Variants in SLC8A1 observed in about 807,000 individuals in gnomAD.
SLC8A1 encodes solute carrier family 8 member A1.
Under a neutral mutation model 68.3 loss-of-function variants are expected in SLC8A1, and 18 were observed. That is an observed-to-expected ratio of 0.26 (90% confidence interval 0.18 to 0.39). The LOEUF is 0.39. SLC8A1 is among the 10% of genes least tolerant of loss of function. The pLI, the probability that SLC8A1 is intolerant of heterozygous loss-of-function variation, is 1.00. For synonymous variants in SLC8A1, 475 were observed against 415.5 expected, an observed-to-expected ratio of 1.14 and a Z score of -1.74; for missense variants, 985 against 1,156.7, an observed-to-expected ratio of 0.85 and a Z score of 2.15.
At chr2:40,386,007 A>T (rs1242515586) in intron 2 of SLC8A1, among the ~76,000 whole-genome samples, 1 of 151,274 alleles carries the variant, frequency 6.6e-6, no homozygotes, top group Non-Finnish European at 1.5e-5. Context: ...ATAAATTTTT[A>T]AATTCTCCGA....
intron 2 of SLC8A1, among the ~76,000 whole-genome samples, chr2:40,234,102 G>C (rs1239998104): frequency 6.6e-6 from 1 of 152,142 alleles, no homozygotes; most frequent in Non-Finnish European, 1.5e-5. Flanking sequence ...GGTTCCATAT[G>C]AACTTTAAAG....
intron 1 of SLC8A1, among the ~76,000 whole-genome samples, chr2:40,487,750 C>T (rs780054522): frequency 2.6e-5 from 4 of 152,112 alleles, no homozygotes; most frequent in East Asian, 1.9e-4. Flanking sequence ...AAGCCCATTG[C>T]GGAACCTGCT....
chr2:40,182,367 A>G (rs2049759510), intron 2 of SLC8A1, among the ~76,000 whole-genome samples: 1 of 152,218 alleles, frequency 6.6e-6, no homozygotes, highest in Non-Finnish European at 1.5e-5. Context: ...TGAGCAGTAT[A>G]CTATAAAAAC....
intron 2 of SLC8A1, among the ~76,000 whole-genome samples, chr2:40,219,170 T>C (rs1265257376): frequency 1.3e-5 from 2 of 152,006 alleles, no homozygotes; most frequent in Non-Finnish European, 2.9e-5. Flanking sequence ...TGGAGCGGAG[T>C]TGGGTCATGG....
At chr2:40,241,821 C>T (rs1439708150) in intron 2 of SLC8A1, among the ~76,000 whole-genome samples, 1 of 152,062 alleles carries the variant, frequency 6.6e-6, no homozygotes. Context: ...ATAAGCATTG[C>T]CTATTTGTTC....
chr2:40,329,635 T>C (rs2076212298), intron 2 of SLC8A1, among the ~76,000 whole-genome samples: 1 of 152,218 alleles, frequency 6.6e-6, no homozygotes, highest in African/African-American at 2.4e-5. Flanking sequence ...GGCCAAGAAT[T>C]CTCATCACTT....
chr2:40,344,123 G>A (rs771779645), intron 2 of SLC8A1, among the ~76,000 whole-genome samples: 1 of 152,060 alleles, frequency 6.6e-6, no homozygotes, highest in Non-Finnish European at 1.5e-5. Flanking sequence ...CCATAGAGAA[G>A]TCATTTTTTA....
upstream of SLC8A1, among the ~76,000 whole-genome samples, chr2:40,455,126 A>T (rs1199919293): frequency 6.6e-6 from 1 of 152,188 alleles, no homozygotes; most frequent in Non-Finnish European, 1.5e-5. Flanking sequence ...TATTCGAAAG[A>T]TGTTCTGATG....
upstream of SLC8A1, among the ~76,000 whole-genome samples, chr2:40,454,064 A>AG (rs754467688): frequency 5.9e-5 from 9 of 152,234 alleles, no homozygotes; most frequent in Non-Finnish European, 1.3e-4. Flanking sequence ...GGGGAGAGAC[A>AG]GAAGGTCACT....
At chr2:40,497,268 G>A (rs186140275) in intron 1 of SLC8A1, among the ~76,000 whole-genome samples, 2 of 152,166 alleles carry the variant, frequency 1.3e-5, no homozygotes, top group African/African-American at 4.8e-5. Flanking sequence ...CATCCAATGA[G>A]ATTATTTTGA....
At chr2:40,430,535 T>G (rs764898470) in intron 1 of SLC8A1, among the ~76,000 whole-genome samples, 2 of 152,194 alleles carry the variant, frequency 1.3e-5, no homozygotes, top group Non-Finnish European at 2.9e-5. Flanking sequence ...CAACTCAATC[T>G]TTCTGTGAAT....
In SLC8A1 at chr2:40,115,646, GAA is replaced by G. The variant is rs780419192; in HGVS notation, c.2438-19_2438-18del. 1 of 1,594,740 alleles carries G rather than the reference GAA, an allele frequency of 6.3e-7. No individual in the cohort carries two copies. Among genetic ancestry groups the G allele is most frequent in the Non-Finnish European group, 8.5e-7 (1 of 1,175,168 alleles). ...CAAATGTGTCTGCAGAGGAAGAAGAGAAAGTCAATGACACTCAATCTTTTAGA... is the reference window on the plus strand; with the variant it reads ...CAAATGTGTCTGCAGAGGAAGAAGAGAGTCAATGACACTCAATCTTTTAGA... On this transcript the variant is annotated intron_variant, in intron 7 of 7. Coordinates refer to ENST00000406785, the Ensembl canonical transcript of SLC8A1.
intron 2 of SLC8A1, among the ~76,000 whole-genome samples, chr2:40,312,199 T>C (rs1037745231): frequency 2.0e-5 from 3 of 152,218 alleles, no homozygotes; most frequent in African/African-American, 7.2e-5. Context: ...GCTGAGCTTA[T>C]TGTTATCCAC....
chr2:40,420,016 A>G (rs376241461), intron 2 of SLC8A1, among the ~76,000 whole-genome samples: 15 of 152,328 alleles, frequency 9.8e-5, no homozygotes, highest in East Asian at 9.6e-4. Context: ...TATAAAGTAT[A>G]TGCAAGATGT....
intron 2 of SLC8A1, among the ~76,000 whole-genome samples, chr2:40,190,115 A>G (rs998027325): frequency 3.3e-5 from 5 of 152,204 alleles, no homozygotes; most frequent in African/African-American, 4.8e-5. Context: ...GTTCTGTAAC[A>G]AAAAATTCTT....
At chr2:40,178,550 A>G (rs2048889391) in intron 2 of SLC8A1, 57 bp from the exon 3 acceptor site, 3 of 1,446,110 alleles carry the variant, frequency 2.1e-6, no homozygotes, top group Non-Finnish European at 2.9e-6. Context: ...AAGAGAAGGA[A>G]CATAGAGAAG....
rs114672999 is a variant in SLC8A1 at position 40,228,712 on chromosome 2, C to T, written c.1809-50857G>A. ...GATATCTGCTGCCATCTATGTTGAA[C>T]GCAGAAATGGTAGGCGAGCCTCAAA... On this transcript the variant is annotated intron_variant, in intron 2 of 7. Transcript: ENST00000406785. Among the ~76,000 whole-genome samples, 1,264 of 152,240 alleles carry T rather than the reference C, an allele frequency of 8.3e-3. 16 individuals carry two copies. Among genetic ancestry groups the T allele is most frequent in the African/African-American group, 0.028 (1,169 of 41,538 alleles).
chr2:40,252,581 G>A (rs540414142), intron 2 of SLC8A1, among the ~76,000 whole-genome samples: 2 of 152,110 alleles, frequency 1.3e-5, no homozygotes, highest in African/African-American at 2.4e-5. Flanking sequence ...TGATCCACCT[G>A]CCTTGGCCTC....
At chr2:40,286,847 C>T (rs1176748616) in intron 2 of SLC8A1, among the ~76,000 whole-genome samples, 2 of 152,184 alleles carry the variant, frequency 1.3e-5, no homozygotes, top group African/African-American at 2.4e-5. Flanking sequence ...CTTGATTGGT[C>T]TGATCAAAGT....
Sources: gnomAD v4.1 joint callset for allele counts (sites outside exome capture counted in the v4.1 genomes callset) on GRCh38, gnomAD v4.1.1 for gene constraint, MANE v1.5 for transcripts, NCBI Gene and HGNC (gene_info 2026-07-23, HGNC 2026-07-21) for gene names.